SHISA6: variants seen among roughly 807,000 people sequenced by gnomAD.
SHISA6 encodes the protein shisa family member 6, also known as protein shisa-6.
SHISA6 carries 22 observed loss-of-function variants against 47.9 expected under a neutral mutation model. The observed-to-expected ratio is 0.46, with a 90% CI of 0.33 to 0.66. The LOEUF is 0.66. Ranked by LOEUF, SHISA6 falls within the 30% of genes least tolerant of loss-of-function variation. The pLI is 0.02. For synonymous variants in SHISA6, 388 were observed against 337.8 expected (o/e 1.15, Z -1.63); for missense variants, 680 against 764.6 (o/e 0.89, Z 1.30).
At chr17:11,312,276 T>G (rs1397293827) in intron 2 of SHISA6, among the ~76,000 whole-genome samples, 1 of 135,020 alleles carries the variant, frequency 7.4e-6, no homozygotes, top group Non-Finnish European at 1.7e-5. Flanking sequence ...CTTAATTAAT[T>G]TATTATCATG....
At chr17:11,318,356 T>C (rs1023819304) in intron 2 of SHISA6, among the ~76,000 whole-genome samples, 3 of 152,226 alleles carry the variant, frequency 2.0e-5, no homozygotes, top group Non-Finnish European at 4.4e-5. Context: ...TGTATTTCCT[T>C]ATCTTGTGAG....
At chr17:11,544,374 T>A (rs1308253963) in intron 3 of SHISA6, among the ~76,000 whole-genome samples, 1 of 152,150 alleles carries the variant, frequency 6.6e-6, no homozygotes, top group Admixed American at 6.5e-5. Flanking sequence ...AAATGCAATC[T>A]GATTTAAAAA....
rs113846895 is a variant in SHISA6 at position 11,525,372 on chromosome 17, C to T, written c.896-26524C>T. Reference sequence around the variant, plus strand: ...TTGTGAGGCCAGGCTTGGTGGCTCACGCCTGTAATCCCAGCACTTTGGGAG... The same window carrying T: ...TTGTGAGGCCAGGCTTGGTGGCTCATGCCTGTAATCCCAGCACTTTGGGAG... On this transcript the variant is annotated intron_variant, in intron 3 of 5. Transcript: ENST00000441885. 5.9e-3 allele frequency among the ~76,000 whole-genome samples: 900 copies of T among 152,198 alleles called. 6 individuals are homozygous for T. Among genetic ancestry groups the T allele is most frequent in the African/African-American group, 0.02 (816 of 41,538 alleles).
chr17:11,410,505 G>A (rs930260963), intron 3 of SHISA6, among the ~76,000 whole-genome samples: 2 of 152,166 alleles, frequency 1.3e-5, no homozygotes, highest in Admixed American at 6.5e-5. Flanking sequence ...ATTAGAGTTA[G>A]GGTTAGGGTA....
intron 2 of SHISA6, among the ~76,000 whole-genome samples, chr17:11,360,390 T>C (rs1429734207): frequency 6.6e-6 from 1 of 152,038 alleles, no homozygotes; most frequent in African/African-American, 2.4e-5. Context: ...AAACCCTGTC[T>C]CTACTACAAA....
chr17:11,386,393 A>G (rs1318583676), intron 3 of SHISA6, among the ~76,000 whole-genome samples: 1 of 152,156 alleles, frequency 6.6e-6, no homozygotes, highest in African/African-American at 2.4e-5. Context: ...AAAAAGAAAA[A>G]GAAAAAGTAA....
At chr17:11,395,611 G>A (rs141421039) in intron 3 of SHISA6, among the ~76,000 whole-genome samples, 5,432 of 148,202 alleles carry the variant, frequency 0.037, 183 homozygotes, top group Admixed American at 0.091. Flanking sequence ...TCCGCCTCCC[G>A]GGTTCAAGCG....
intron 3 of SHISA6, among the ~76,000 whole-genome samples, chr17:11,384,290 G>A (rs748628887): frequency 1.1e-4 from 17 of 152,350 alleles, no homozygotes; most frequent in Middle Eastern, 3.4e-3. Context: ...GGAACCACAA[G>A]TAGATGCTCA....
chr17:11,301,262 T>G (rs1228183418), intron 2 of SHISA6, among the ~76,000 whole-genome samples: 1 of 152,126 alleles, frequency 6.6e-6, no homozygotes, highest in Admixed American at 6.5e-5. Context: ...TTGCACTGTT[T>G]ATCTCCTGGG....
chr17:11,558,803 A>C lies in SHISA6; in HGVS notation c.*499A>C, dbSNP rs2072010847. Reference sequence around the variant, plus strand: ...CACAGAAATCTCCTAGTGCCTAAAAACTGCCTGCTCGCTCTCTCAGAGCCA... The same window carrying C: ...CACAGAAATCTCCTAGTGCCTAAAACCTGCCTGCTCGCTCTCTCAGAGCCA... On this transcript the variant is annotated 3_prime_UTR_variant, in exon 6 of 6. Coordinates refer to ENST00000441885, the MANE Select transcript of SHISA6 (RefSeq NM_207386.4). The C allele has an allele frequency of 1.8e-5, 3 of 168,696 alleles. No individual in the cohort carries two copies. The highest frequency in any genetic ancestry group is 1.1e-4 in the Admixed American group (2 of 17,702). 10.4% of individuals were successfully genotyped at this position (168,696 alleles called of 1,614,324 possible).
chr17:11,460,120 G>T (rs1194142010), intron 3 of SHISA6, among the ~76,000 whole-genome samples: 1 of 152,216 alleles, frequency 6.6e-6, no homozygotes, highest in Non-Finnish European at 1.5e-5. Flanking sequence ...ACAAATAACA[G>T]TGTGCAAGGC....
At chr17:11,545,497 T>C (rs2071875794) in intron 3 of SHISA6, among the ~76,000 whole-genome samples, 1 of 152,222 alleles carries the variant, frequency 6.6e-6, no homozygotes, top group African/African-American at 2.4e-5. Flanking sequence ...TATTCTGATT[T>C]TGATATAGTA....
At chr17:11,265,974 G>T (rs1326586807) in intron 2 of SHISA6, among the ~76,000 whole-genome samples, 2 of 152,128 alleles carry the variant, frequency 1.3e-5, no homozygotes, top group Non-Finnish European at 2.9e-5. Flanking sequence ...TTCACTTTGC[G>T]CTTAGAGATG....
At chr17:11,304,056 C>T (rs2142179998) in intron 2 of SHISA6, among the ~76,000 whole-genome samples, 1 of 152,312 alleles carries the variant, frequency 6.6e-6, no homozygotes, top group East Asian at 1.9e-4. Context: ...AAGGCCATAT[C>T]AGGAAGGCCT....
At chr17:11,537,757 A>G (rs953222883) in intron 3 of SHISA6, among the ~76,000 whole-genome samples, 10 of 152,232 alleles carry the variant, frequency 6.6e-5, no homozygotes, top group African/African-American at 2.2e-4. Context: ...AAACTGCACA[A>G]GTACCTCCAA....
chr17:11,369,709 T>C (rs926335766), intron 2 of SHISA6, among the ~76,000 whole-genome samples: 2 of 152,204 alleles, frequency 1.3e-5, no homozygotes, highest in South Asian at 2.1e-4. Context: ...CCCGGCTCTT[T>C]TCAGGGTTTG....
At chr17:11,357,312 T>C (rs1197449336) in intron 2 of SHISA6, among the ~76,000 whole-genome samples, 4 of 152,286 alleles carry the variant, frequency 2.6e-5, no homozygotes, top group South Asian at 4.1e-4. Context: ...TCTGGAATTA[T>C]GACTTTTTGT....
intron 2 of SHISA6, among the ~76,000 whole-genome samples, chr17:11,353,040 A>T (rs889217291): frequency 6.6e-6 from 1 of 152,084 alleles, no homozygotes; most frequent in South Asian, 2.1e-4. Context: ...CCATTTCCAT[A>T]TGGCAGCCCC....
intron 2 of SHISA6, among the ~76,000 whole-genome samples, chr17:11,322,126 T>G (rs1910736864): frequency 6.6e-6 from 1 of 152,222 alleles, no homozygotes; most frequent in Middle Eastern, 3.2e-3. Flanking sequence ...ATGTGCAATG[T>G]AAGGTTTTTT....
Sources: gnomAD v4.1 joint callset for allele counts (sites outside exome capture counted in the v4.1 genomes callset) on GRCh38, gnomAD v4.1.1 for gene constraint, MANE v1.5 for transcripts, NCBI Gene and HGNC (gene_info 2026-07-23, HGNC 2026-07-21) for gene names.